Variants in FBXL4 observed in about 807,000 individuals in gnomAD.
The protein encoded by FBXL4 is F-box/LRR-repeat protein 4.
A neutral mutation model predicts 58.9 loss-of-function variants in FBXL4; 40 were observed. That is an observed-to-expected ratio of 0.68 (90% CI 0.53 to 0.88). The LOEUF (loss-of-function observed/expected upper bound fraction) is 0.88, where lower values mean the gene tolerates loss of function less well. FBXL4 is among the 40% of genes least tolerant of loss of function. The pLI, the probability that FBXL4 is intolerant of heterozygous loss-of-function variation, is 0.00. For missense variants in FBXL4, 676 were observed against 734.4 expected, an observed-to-expected ratio of 0.92 and a Z score of 0.92; for synonymous variants, 263 against 265.5, an observed-to-expected ratio of 0.99 and a Z score of 0.09.
intron 7 of FBXL4, among the ~76,000 whole-genome samples, chr6:98,883,874 T>C (rs915611831): frequency 2.0e-5 from 3 of 151,564 alleles, no homozygotes; most frequent in Non-Finnish European, 2.9e-5. Flanking sequence ...TGTTGGCCCT[T>C]TGCTCTTTCA....
At chr6:98,940,184 A>C (rs1441240471) in intron 1 of FBXL4, among the ~76,000 whole-genome samples, 1 of 152,144 alleles carries the variant, frequency 6.6e-6, no homozygotes, top group African/African-American at 2.4e-5. Context: ...TTTATTTGTG[A>C]AATACCTTTT....
rs1463404304 is a variant in FBXL4, at chr6:98,872,773, G to A, written c.*1505C>T. 1.3e-5 allele frequency: 2 copies of A among 152,174 alleles called. No individual in the cohort carries two copies. Among genetic ancestry groups the A allele is most frequent in the Non-Finnish European group, 2.9e-5 (2 of 68,044 alleles). The allele number at this position is 152,174 out of a possible 1,614,324, so 9.4% of individuals were successfully genotyped here. ...AGCACAGGTTTAATGCAATGCTTCA[G>A]AAGCCAGATGGCCTGGGTTTATATG... On this transcript the variant is annotated 3_prime_UTR_variant, in exon 10 of 10. Transcript: ENST00000369244.
At chr6:98,884,991 G>C (rs961556543) in intron 7 of FBXL4, among the ~76,000 whole-genome samples, 3 of 152,144 alleles carry the variant, frequency 2.0e-5, no homozygotes, top group Admixed American at 6.5e-5. Flanking sequence ...TTAACAAACA[G>C]TATATTGTAG....
intron 4 of FBXL4, 106 bp downstream of exon 4, chr6:98,926,365 ATCAAAT>A: frequency 2.5e-6 from 3 of 1,216,064 alleles, no homozygotes; most frequent in Non-Finnish European, 3.4e-6. Context: ...AATTTTCAAA[ATCAAAT>A]TCAATTAAGT....
chr6:98,894,394 T>C (rs140051212), intron 7 of FBXL4, among the ~76,000 whole-genome samples: 83 of 152,114 alleles, frequency 5.5e-4, no homozygotes, highest in African/African-American at 1.9e-3. Flanking sequence ...CCTGTCTAAA[T>C]CCCCATCTGT....
chr6:98,919,964 T>A (rs1442660159), intron 4 of FBXL4, among the ~76,000 whole-genome samples: 1 of 152,164 alleles, frequency 6.6e-6, no homozygotes. Flanking sequence ...ACATGTGAAC[T>A]AAACCAGCCT....
intron 2 of FBXL4, among the ~76,000 whole-genome samples, chr6:98,934,373 T>C (rs1773125349): frequency 6.7e-6 from 1 of 150,038 alleles, no homozygotes; most frequent in African/African-American, 2.5e-5. Context: ...CACTCCAACC[T>C]GAGCAACAGA....
At chr6:98,927,319 C>T (rs1015364518) in intron 3 of FBXL4, among the ~76,000 whole-genome samples, 9 of 152,038 alleles carry the variant, frequency 5.9e-5, no homozygotes, top group Admixed American at 2.0e-4. Context: ...TCCAAAAAGC[C>T]GTATTTTATA....
Position 98,899,414 on chromosome 6 carries a change from T to A in FBXL4, c.1171A>T (p.Thr391Ser). 1 of 1,613,934 alleles carries A rather than the reference T, an allele frequency of 6.2e-7. No homozygotes were observed. Among genetic ancestry groups the A allele is most frequent in the Non-Finnish European group, 8.5e-7 (1 of 1,179,946 alleles). ...ELSCSHFLNE[T>S]CLEVISEMCP... Reference sequence around the variant, plus strand: ...ATCTCAGAAATAACTTCTAAGCAAGTTTCATTAAGAAAGTGGCTGCAAGAC... The same window carrying A: ...ATCTCAGAAATAACTTCTAAGCAAGATTCATTAAGAAAGTGGCTGCAAGAC... Residue 391 changes from threonine to serine, a missense_variant, in exon 7 of 10, where the codon ACT becomes TCT. Coordinates refer to ENST00000369244, the MANE Select transcript of FBXL4 (RefSeq NM_001278716.2).
At chr6:98,892,025 C>G (rs1015848888) in intron 7 of FBXL4, among the ~76,000 whole-genome samples, 5 of 152,098 alleles carry the variant, frequency 3.3e-5, no homozygotes, top group African/African-American at 4.8e-5. Flanking sequence ...ACATACTCAC[C>G]CCACCAAGTC....
intron 5 of FBXL4, among the ~76,000 whole-genome samples, chr6:98,910,178 C>G (rs907934087): frequency 6.6e-6 from 1 of 152,142 alleles, no homozygotes; most frequent in Non-Finnish European, 1.5e-5. Context: ...GACAGAAATG[C>G]TTGGCCCTAC....
Position 98,875,572 on chromosome 6 carries a change from G to A in FBXL4, c.1545C>T (p.Cys515=), listed in dbSNP as rs538186768. The A allele has an allele frequency of 1.2e-6, 2 of 1,614,100 alleles. No individual in the cohort carries two copies. The highest frequency in any genetic ancestry group is 2.2e-5 in the East Asian group (1 of 44,872). ...ACCCGGTGCTGCTCTGCAGAGTTGG[G>A]CACCAGCCAAGGTCAAGCTCCTCCA... ...PLLEELDLGW[C]PTLQSSTGCF... The change falls in exon 9 of 10, where the codon TGC becomes TGT. Residue 515 remains cysteine (C), a synonymous_variant. Coordinates refer to ENST00000369244, the MANE Select transcript of FBXL4 (RefSeq NM_001278716.2).
chr6:98,875,620 T>C lies in FBXL4; in HGVS notation c.1497A>G (p.Glu499=). The part of the protein sequence containing the change: ...CKNITENGIA[E]LASGCPLLEE... ...CCAGTAGTGGACACCCAGAAGCCAG[T>C]TCTGCTATTCCATTCTCAGTAATAT... Residue 499 remains glutamate (E), a synonymous_variant, in exon 9 of 10, where the codon GAA becomes GAG. Transcript: ENST00000369244. 3 of 1,614,170 alleles carry C rather than the reference T, an allele frequency of 1.9e-6. No homozygotes were observed. The highest frequency in any genetic ancestry group is 1.7e-6 in the Non-Finnish European group (2 of 1,180,012).
chr6:98,908,863 C>A (rs982106266), intron 5 of FBXL4, among the ~76,000 whole-genome samples: 1 of 152,018 alleles, frequency 6.6e-6, no homozygotes, highest in Non-Finnish European at 1.5e-5. Flanking sequence ...ATCAATAGTC[C>A]TCCAAGTAAA....
At position 98,907,657 on chromosome 6, in the gene FBXL4, A is replaced by G. The variant is rs573860857; in HGVS notation, c.859-1987T>C. Among the ~76,000 whole-genome samples, 47 of 152,286 alleles carry G rather than the reference A, an allele frequency of 3.1e-4. No homozygotes were observed. In the South Asian group the frequency reaches 7.5e-3, roughly 24 times the overall value. ...ATTAAATATTTGCTAAATGTTAAAA[A>G]TCTTATTTAGATGAGAGAGGGTTTT... On this transcript the variant is annotated intron_variant, in intron 5 of 9. Coordinates refer to ENST00000369244, the MANE Select transcript of FBXL4 (RefSeq NM_001278716.2).
rs370617518 is a variant in FBXL4, at chr6:98,929,177, A to G, written c.-190-1355T>C. On this transcript the variant is annotated intron_variant, in intron 2 of 9. Coordinates refer to ENST00000369244, the MANE Select transcript of FBXL4 (RefSeq NM_001278716.2). ...ATCCTTTTGCCTCTCAAACCCAAAC[A>G]GATCCAAACACAATGAAATATTTAA... Among the ~76,000 whole-genome samples the G allele has an allele frequency of 1.1e-4, 17 of 152,374 alleles. 1 individual carries two copies. The highest frequency in any genetic ancestry group is 4.1e-4 in the African/African-American group (17 of 41,592).
At position 98,926,551 on chromosome 6, in the gene FBXL4, A is replaced by G; in HGVS notation, c.438T>C (p.Tyr146=). 1 of 1,614,162 alleles carries G rather than the reference A, an allele frequency of 6.2e-7. No homozygotes were observed. Among genetic ancestry groups the G allele is most frequent in the Non-Finnish European group, 8.5e-7 (1 of 1,180,016 alleles). The change falls in exon 4 of 10, where the codon TAT becomes TAC. Residue 146 remains tyrosine (Y), a synonymous_variant. Coordinates refer to ENST00000369244, the MANE Select transcript of FBXL4 (RefSeq NM_001278716.2). ...GAATTCTAATGACTGCTCCGGGATGATAGGTTTCTAGAACATGTACAGCTG... is the reference window on the plus strand; with the variant it reads ...GAATTCTAATGACTGCTCCGGGATGGTAGGTTTCTAGAACATGTACAGCTG... ...YPTAVHVLET[Y]HPGAVIRILA...
At chr6:98,899,754 T>C (rs1172157290) in intron 6 of FBXL4, among the ~76,000 whole-genome samples, 1 of 152,112 alleles carries the variant, frequency 6.6e-6, no homozygotes, top group Non-Finnish European at 1.5e-5. Flanking sequence ...AAGATATATT[T>C]TTCCCACTTA....
chr6:98,926,418 A>G (rs1336539880), intron 4 of FBXL4, 59 bp downstream of exon 4: 11 of 1,482,614 alleles, frequency 7.4e-6, no homozygotes, highest in Non-Finnish European at 1.0e-5. Context: ...AAGATCTCCA[A>G]TATTAACAAC....
Sources: gnomAD v4.1 joint callset for allele counts (sites outside exome capture counted in the v4.1 genomes callset) on GRCh38, gnomAD v4.1.1 for gene constraint, MANE v1.5 for transcripts, NCBI Gene and HGNC (gene_info 2026-07-23, HGNC 2026-07-21) for gene names.